The following GGA2 variants were observed in gnomAD, a reference collection of about 807,000 sequenced individuals.
GGA2 encodes golgi associated, gamma adaptin ear containing, ARF binding protein 2.
A neutral mutation model predicts 79.5 loss-of-function variants in GGA2; 48 were observed. The observed-to-expected ratio is 0.60, with a 90% CI of 0.48 to 0.77. The LOEUF is 0.77. Ranked by LOEUF, GGA2 falls within the 30% of genes least tolerant of loss-of-function variation. The probability of loss-of-function intolerance (pLI) is 0.00; values close to 1 mark genes in which losing one functional copy is unlikely to be tolerated. For synonymous variants in GGA2, 317 were observed against 302.0 expected, an observed-to-expected ratio of 1.05 and a Z score of -0.51; for missense variants, 770 against 774.0, an observed-to-expected ratio of 0.99 and a Z score of 0.06.
intron 1 of GGA2, chr16:23,521,761 T>C: frequency 2.2e-6 from 1 of 449,622 alleles, no homozygotes; most frequent in Non-Finnish European, 4.4e-6. Flanking sequence ...CGACTTAGTA[T>C]TTTGACCACT....
rs1964474426 is a variant in GGA2 at position 23,468,870 on chromosome 16, A to C, written c.1731+16T>G. 6.6e-7 allele frequency: 1 copy of C among 1,514,484 alleles called. No individual in the cohort carries two copies. The highest frequency in any genetic ancestry group is 9.2e-7 in the Non-Finnish European group (1 of 1,089,422). The allele number at this position is 1,514,484 out of a possible 1,614,324, so 93.8% of individuals were successfully genotyped here. On this transcript the variant is annotated intron_variant, in intron 16 of 16. Coordinates refer to ENST00000309859, the MANE Select transcript of GGA2 (RefSeq NM_015044.4). ...GGGGCCCCCATCTCCCTGCTACCAC[A>C]GACACTGGAACATACTTTGTGTGGA...
chr16:23,524,331 G>T (rs1159495821), upstream of GGA2: 1 of 1,572,006 alleles, frequency 6.4e-7, no homozygotes, highest in South Asian at 1.1e-5. Flanking sequence ...TAAGCTCACA[G>T]GTTCTTAGGG....
At chr16:23,495,058 C>G (rs1487119327) in intron 2 of GGA2, among the ~76,000 whole-genome samples, 1 of 150,814 alleles carries the variant, frequency 6.6e-6, no homozygotes, top group Non-Finnish European at 1.5e-5. Context: ...GCACTCCAGT[C>G]TTGAGACACT....
chr16:23,491,530 T>TAAAAAA, intron 5 of GGA2, 147 bp downstream of exon 5: 1 of 299,196 alleles, frequency 3.3e-6, no homozygotes, highest in South Asian at 6.5e-5. Context: ...ATTTATTGCG[T>TAAAAAA]AAAAAAAAAA....
chr16:23,465,522 G>A lies in GGA2; in HGVS notation c.*2068C>T. The A allele has an allele frequency of 1.5e-6, 1 of 663,638 alleles. No individual in the cohort carries two copies. The highest frequency in any genetic ancestry group is 2.7e-6 in the Non-Finnish European group (1 of 365,834). The allele number at this position is 663,638 out of a possible 1,614,324, so 41.1% of individuals were successfully genotyped here. ...TGTGTGAGTTCACCTCCTAACTATAGGGGAGAAAGCCTGTCTTTATGTATA... is the reference window on the plus strand; with the variant it reads ...TGTGTGAGTTCACCTCCTAACTATAAGGGAGAAAGCCTGTCTTTATGTATA... On this transcript the variant is annotated 3_prime_UTR_variant, in exon 17 of 17. Transcript: ENST00000309859.
At chr16:23,493,588 C>T (rs1479208439) in intron 3 of GGA2, 130 bp from the exon 4 acceptor site, 2 of 652,872 alleles carry the variant, frequency 3.1e-6, no homozygotes, top group Admixed American at 2.6e-5. Flanking sequence ...TATGAGGACA[C>T]TGAAGTTTTG....
intron 5 of GGA2, among the ~76,000 whole-genome samples, chr16:23,491,368 G>C (rs1199612318): frequency 7.9e-6 from 1 of 126,498 alleles, no homozygotes; most frequent in Admixed American, 7.9e-5. Flanking sequence ...TCTTTTAAAA[G>C]ATAAATAAGT....
intron 2 of GGA2, among the ~76,000 whole-genome samples, chr16:23,494,792 T>A (rs1596990403): frequency 6.6e-6 from 1 of 152,216 alleles, no homozygotes; most frequent in Non-Finnish European, 1.5e-5. Flanking sequence ...AGATTAAACA[T>A]CTGGATGGGC....
intron 3 of GGA2, chr16:23,493,710 G>C (rs1416030601): frequency 2.2e-6 from 1 of 452,314 alleles, no homozygotes; most frequent in Non-Finnish European, 4.0e-6. Context: ...AAACCCTGAG[G>C]TCACCCCACC....
intron 8 of GGA2, among the ~76,000 whole-genome samples, chr16:23,483,449 G>A (rs1015436461): frequency 6.6e-6 from 1 of 152,144 alleles, no homozygotes; most frequent in Non-Finnish European, 1.5e-5. Flanking sequence ...TTGTGAAGTG[G>A]AAGGACAGGT....
At chr16:23,501,424 G>A in intron 1 of GGA2, 1 of 437,222 alleles carries the variant, frequency 2.3e-6, no homozygotes, top group South Asian at 1.6e-5. Flanking sequence ...GTTTTTTGGA[G>A]CTACTTGAGT....
upstream of GGA2, among the ~76,000 whole-genome samples, chr16:23,513,774 ACT>A (rs1192179298): frequency 4.4e-4 from 59 of 134,230 alleles, 1 homozygote; most frequent in African/African-American, 1.6e-3. Flanking sequence ...ACGGAATGAG[ACT>A]CTGTCTCAAA....
At chr16:23,523,621 G>A (rs1401067803), upstream of GGA2, 3 of 152,364 alleles carry the variant, frequency 2.0e-5, no homozygotes, top group East Asian at 1.9e-4. Context: ...CTTGGGGCCT[G>A]AGAACTGGGA....
intron 1 of GGA2, chr16:23,501,246 T>G (rs543569905): frequency 2.2e-6 from 1 of 453,250 alleles, no homozygotes; most frequent in Non-Finnish European, 4.4e-6. Flanking sequence ...ATCGAACGAC[T>G]TTTAACTAAT....
chr16:23,513,126 G>T (rs900824533), upstream of GGA2, among the ~76,000 whole-genome samples: 2 of 152,102 alleles, frequency 1.3e-5, no homozygotes, highest in African/African-American at 2.4e-5. Context: ...TGCTACAGGG[G>T]GCATGAGCTC....
At chr16:23,496,271 C>T (rs924518263) in intron 1 of GGA2, among the ~76,000 whole-genome samples, 5 of 144,564 alleles carry the variant, frequency 3.5e-5, no homozygotes, top group Non-Finnish European at 6.0e-5. Flanking sequence ...CCACTGCACT[C>T]CAGCCCAGGA....
Position 23,467,319 on chromosome 16 carries a change from T to C in GGA2, c.*271A>G. 5.0e-6 allele frequency: 2 copies of C among 401,898 alleles called. No homozygotes were observed. The highest frequency in any genetic ancestry group is 2.0e-5 in the African/African-American group (1 of 49,226). The allele number at this position is 401,898 out of a possible 1,614,324, so 24.9% of individuals were successfully genotyped here. A position where few individuals can be genotyped will look rare whatever the true frequency, so the allele number is the denominator to read the frequency against. On this transcript the variant is annotated 3_prime_UTR_variant, in exon 17 of 17. Coordinates refer to ENST00000309859, the MANE Select transcript of GGA2 (RefSeq NM_015044.4). The stretch of plus-strand genomic sequence containing the variant: ...AACATGACTGTAGCAGAGATGATGA[T>C]GATGAGAAATGCTTCGCATTTCCCA...
chr16:23,472,289 G>A (rs953194458), intron 14 of GGA2, among the ~76,000 whole-genome samples: 3 of 144,940 alleles, frequency 2.1e-5, no homozygotes, highest in Non-Finnish European at 4.5e-5. Flanking sequence ...CGCCTCCCAG[G>A]TTCAAGCGAT....
At chr16:23,499,036 G>A (rs935958374) in intron 1 of GGA2, among the ~76,000 whole-genome samples, 1 of 152,106 alleles carries the variant, frequency 6.6e-6, no homozygotes, top group Non-Finnish European at 1.5e-5. Flanking sequence ...GAGAGAACAG[G>A]AGAGGCAGAG....
Sources: allele counts gnomAD v4.1 joint callset (sites outside exome capture counted in the v4.1 genomes callset), GRCh38; gene constraint gnomAD v4.1.1; transcripts MANE v1.5; gene names NCBI Gene and HGNC (gene_info 2026-07-23, HGNC 2026-07-21).